The following ASH1L variants were observed in gnomAD, a reference collection of about 807,000 sequenced individuals.
ASH1L encodes ASH1 like histone lysine methyltransferase, also known as histone-lysine N-methyltransferase ASH1L.
A neutral mutation model predicts 269.0 loss-of-function variants in ASH1L; 23 were observed. The observed-to-expected ratio is 0.09, with a 90% CI of 0.06 to 0.12. ASH1L has a LOEUF of 0.12. Among genes scored for constraint, ASH1L ranks in the 10% least tolerant of loss-of-function variants. ASH1L has a pLI of 1.00. For missense variants in ASH1L, 2,912 were observed against 3,567.8 expected (o/e 0.82, Z 4.68); for synonymous variants, 1,187 against 1,253.5 (o/e 0.95, Z 1.12).
chr1:155,474,246 G>A (rs1209348254), intron 3 of ASH1L, among the ~76,000 whole-genome samples: 1 of 152,146 alleles, frequency 6.6e-6, no homozygotes, highest in East Asian at 1.9e-4. Flanking sequence ...TCACCCAGAA[G>A]CCCTTTTTAG....
At chr1:155,446,054 T>G (rs75943122) in intron 4 of ASH1L, among the ~76,000 whole-genome samples, 8 of 148,706 alleles carry the variant, frequency 5.4e-5, no homozygotes, top group African/African-American at 2.0e-4. Context: ...TTTTTTTTTT[T>G]GGTATTTTTA....
chr1:155,540,869 C>T (rs928044285), intron 1 of ASH1L, among the ~76,000 whole-genome samples: 9 of 152,216 alleles, frequency 5.9e-5, no homozygotes, highest in African/African-American at 1.7e-4. Flanking sequence ...TGTTTTCCCT[C>T]CTTTAGAACA....
In ASH1L at chr1:155,357,177, C is replaced by T. The variant is rs959078622; in HGVS notation, c.7055+139G>A. 17 of 409,892 alleles carry T rather than the reference C, an allele frequency of 4.1e-5. No homozygotes were observed. The South Asian group carries it at 6.2e-4, about 15-fold the overall frequency. 25.4% of individuals were successfully genotyped at this position (409,892 alleles called of 1,614,324 possible). On this transcript the variant is annotated intron_variant, in intron 15 of 27. Coordinates refer to ENST00000392403, the MANE Select transcript of ASH1L (RefSeq NM_018489.3). ...AAAAAAAAGATTGTATTTCTTCCAT[C>T]CAGGTTCATAGATCCCCTGAACCCT...
intron 24 of ASH1L, 24 bp from the exon 25 acceptor site, chr1:155,342,126 G>T: frequency 6.2e-7 from 1 of 1,609,920 alleles, no homozygotes; most frequent in Non-Finnish European, 8.5e-7. Flanking sequence ...CAGTGTTAAG[G>T]AATCCTATTT....
intron 5 of ASH1L, among the ~76,000 whole-genome samples, chr1:155,432,979 A>G (rs1661719166): frequency 6.6e-6 from 1 of 152,194 alleles, no homozygotes; most frequent in South Asian, 2.1e-4. Context: ...CTTGAAGCAC[A>G]TTTTAAAGAT....
chr1:155,380,660 C>T (rs549582436), intron 7 of ASH1L, among the ~76,000 whole-genome samples: 10 of 150,402 alleles, frequency 6.6e-5, no homozygotes, highest in African/African-American at 1.2e-4. Flanking sequence ...GATGAGGTTT[C>T]GCTCTTGCTG....
At position 155,438,900 on chromosome 1, in the gene ASH1L, C is replaced by T; in HGVS notation, c.5255G>A (p.Ser1752Asn). ...SAPPSSSPGR[S>N]HSKDRTLGKP... ...TCCCAGGGTTCGGTCCTTGCTGTGGCTACGGCCTGGACTGGAAGAAGGTGG... is the reference window on the plus strand; with the variant it reads ...TCCCAGGGTTCGGTCCTTGCTGTGGTTACGGCCTGGACTGGAAGAAGGTGG... The change falls in exon 5 of 28, where the codon AGC becomes AAC. Residue 1752 changes from serine to asparagine, a missense_variant. Physicochemically the swap from Ser to Asn is conservative, Grantham distance 46 (BLOSUM62 1). Coordinates refer to ENST00000392403, the MANE Select transcript of ASH1L (RefSeq NM_018489.3). 1 of 1,614,172 alleles carries T rather than the reference C, an allele frequency of 6.2e-7. No homozygotes were observed. Among genetic ancestry groups the T allele is most frequent in the South Asian group, 1.1e-5 (1 of 91,082 alleles).
intron 1 of ASH1L, among the ~76,000 whole-genome samples, chr1:155,524,130 C>T (rs1558190923): frequency 6.6e-6 from 1 of 152,206 alleles, no homozygotes. Flanking sequence ...CCAACACACA[C>T]CCACTATCAT....
At position 155,378,548 on chromosome 1, in the gene ASH1L, G is replaced by A. The variant is rs764807098; in HGVS notation, c.6178C>T (p.Leu2060=). The A allele has an allele frequency of 1.9e-6, 3 of 1,609,200 alleles. No homozygotes were observed. Among genetic ancestry groups the A allele is most frequent in the South Asian group, 1.1e-5 (1 of 89,906 alleles). Residue 2060 remains leucine, a splice_region_variant and synonymous_variant, in exon 9 of 28, where the codon CTA becomes TTA. Transcript: ENST00000392403. ...AGTGGGACATCTGGCTTTTTGTATA[G>A]CTAGAAGAAAAGAAGAAAAATCTTG... is the stretch of plus-strand genomic sequence containing the variant. The part of the protein sequence containing the change: ...DILWQWKHNQ[L]YKKPDVPLYK...
Position 155,335,767 on chromosome 1 carries a change from T to C in ASH1L, c.*1893A>G, listed in dbSNP as rs1652258418. The C allele has an allele frequency of 6.6e-6, 1 of 152,608 alleles. No homozygotes were observed. Among genetic ancestry groups the C allele is most frequent in the Admixed American group, 6.6e-5 (1 of 15,264 alleles). 9.5% of individuals were successfully genotyped at this position (152,608 alleles called of 1,614,324 possible). On this transcript the variant is annotated 3_prime_UTR_variant, in exon 28 of 28. Transcript: ENST00000392403. The stretch of plus-strand genomic sequence containing the variant: ...TCTCGCATTTTACAAAGTTTTTTTT[T>C]CTTTTTCATCTTTTTTAAAATTTTA...
rs761224594 is a variant in ASH1L, at chr1:155,354,516, G to C, written c.7170C>G (p.Thr2390=). ...SDNIHSASLY[T]RWNGICRDDG... is the part of the protein sequence containing the mutation. ...CATCTCGGCAGATCCCATTCCAACG[G>C]GTATATAATGATGCTGAGTGAATAT... The change falls in exon 16 of 28, where the codon ACC becomes ACG. Residue 2390 remains threonine (T), a synonymous_variant. Transcript: ENST00000392403. 1.9e-6 allele frequency: 3 copies of C among 1,613,418 alleles called. No homozygotes were observed. The South Asian group carries it at 3.3e-5, about 18-fold the overall frequency.
intron 4 of ASH1L, among the ~76,000 whole-genome samples, chr1:155,443,412 G>C (rs1662753059): frequency 6.6e-6 from 1 of 152,082 alleles, no homozygotes; most frequent in South Asian, 2.1e-4. Flanking sequence ...CTATATTTTA[G>C]ATGTAACTTA....
At chr1:155,342,802 A>G (rs1047386931) in intron 24 of ASH1L, among the ~76,000 whole-genome samples, 2 of 152,240 alleles carry the variant, frequency 1.3e-5, no homozygotes, top group African/African-American at 4.8e-5. Flanking sequence ...ATTTGAAATT[A>G]GTACACAGTA....
Position 155,480,704 on chromosome 1 carries a change from C to T in ASH1L, c.2166G>A (p.Val722=), listed in dbSNP as rs1418355349. Residue 722 remains valine (V), a synonymous_variant, in exon 3 of 28, where the codon GTG becomes GTA. Transcript: ENST00000392403. ...GAGACCGGCATGTGCTTCTTGCCACCACTTTAGTCCACCGAGGTTTTCTTC... is the reference window on the plus strand; with the variant it reads ...GAGACCGGCATGTGCTTCTTGCCACTACTTTAGTCCACCGAGGTTTTCTTC... The part of the protein sequence containing the change: ...RKGRKPRWTK[V]VARSTCRSPK... The T allele has an allele frequency of 1.9e-6, 3 of 1,613,554 alleles. No individual in the cohort carries two copies. The South Asian group carries it at 3.3e-5, about 18-fold the overall frequency.
At chr1:155,421,317 G>GTT (rs11442413) in intron 5 of ASH1L, among the ~76,000 whole-genome samples, 2,678 of 85,626 alleles carry the variant, frequency 0.031, 61 homozygotes, top group African/African-American at 0.05. Context: ...AGTACCAACA[G>GTT]TTTTTTTTTT....
In ASH1L at chr1:155,395,504, G is replaced by A; in HGVS notation, c.6058C>T (p.Pro2020Ser). The change falls in exon 7 of 28, where the codon CCA becomes TCA. Residue 2020 changes from proline to serine, a missense_variant. By Grantham distance (74) the Pro-to-Ser change is moderately conservative (BLOSUM62 -1). Transcript: ENST00000392403. ...QLKKEKLEYTPGEHEYGLFPA... is the reference protein window; with the variant it reads ...QLKKEKLEYTSGEHEYGLFPA... ...AATAATCCATATTCATGCTCTCCTGGAGTATACTCCAGCTTCTCTTTCTTT... is the reference window on the plus strand; with the variant it reads ...AATAATCCATATTCATGCTCTCCTGAAGTATACTCCAGCTTCTCTTTCTTT... 6.2e-7 allele frequency: 1 copy of A among 1,611,962 alleles called. No homozygotes were observed. The highest frequency in any genetic ancestry group is 8.5e-7 in the Non-Finnish European group (1 of 1,179,256).
Position 155,478,277 on chromosome 1 carries a change from C to A in ASH1L, c.4593G>T (p.Lys1531Asn). The change falls in exon 3 of 28, where the codon AAG (lysine) becomes AAT (asparagine). Residue 1531 changes from lysine (K) to asparagine (N), a missense_variant. Transcript: ENST00000392403. The surrounding 1 kb of genome is among the most constrained non-coding windows in gnomAD (Gnocchi z 4.6). Reference protein sequence around the residue: ...KDAVGERYKHKEKHRCHMSCP... With the variant: ...KDAVGERYKHNEKHRCHMSCP... ...AGGACATGTGACAACGGTGCTTTTC[C>A]TTATGCTTATATCGCTCTCCAACAG... 1 of 1,614,080 alleles carries A rather than the reference C, an allele frequency of 6.2e-7. No individual in the cohort carries two copies. Among genetic ancestry groups the A allele is most frequent in the East Asian group, 2.2e-5 (1 of 44,882 alleles).
intron 1 of ASH1L, among the ~76,000 whole-genome samples, chr1:155,551,661 A>C (rs79931590): frequency 7.0e-6 from 1 of 142,336 alleles, no homozygotes; most frequent in Non-Finnish European, 1.5e-5. Context: ...CTCCGTCTCA[A>C]AAAAAAAAAA....
Position 155,347,776 on chromosome 1 carries a change from G to A in ASH1L, c.7683C>T (p.Asp2561=). 1.9e-6 allele frequency: 3 copies of A among 1,614,106 alleles called. No homozygotes were observed. Among genetic ancestry groups the A allele is most frequent in the East Asian group, 4.5e-5 (2 of 44,904 alleles). Reference sequence around the variant, plus strand: ...TTTCAGAGACTGAGGTCTCACTGCTGTCTGCCTCACTTGCTGTCTCTCCCA... The same window carrying A: ...TTTCAGAGACTGAGGTCTCACTGCTATCTGCCTCACTTGCTGTCTCTCCCA... ...EIVGETASEA[D]SSETSVSEKE... is the part of the protein sequence containing the mutation. Residue 2561 remains aspartate (D), a synonymous_variant, in exon 20 of 28, where the codon GAC becomes GAT. Transcript: ENST00000392403.
Sources: allele counts gnomAD v4.1 joint callset (sites outside exome capture counted in the v4.1 genomes callset), GRCh38; gene constraint gnomAD v4.1.1; non-coding constraint Gnocchi (gnomAD v3.1); transcripts MANE v1.5; gene names NCBI Gene and HGNC (gene_info 2026-07-23, HGNC 2026-07-21).